The following TEX15 variants were observed in gnomAD, a reference collection of about 807,000 sequenced individuals.
TEX15 encodes testis expressed 15, meiosis and synapsis associated.
A neutral mutation model predicts 237.3 loss-of-function variants in TEX15; 171 were observed. That is an observed-to-expected ratio of 0.72 (90% CI 0.64 to 0.82). The LOEUF (loss-of-function observed/expected upper bound fraction) is 0.82, where lower values mean the gene tolerates loss of function less well. Among genes scored for constraint, TEX15 ranks in the 40% least tolerant of loss-of-function variants. The pLI, the probability that TEX15 is intolerant of heterozygous loss-of-function variation, is 0.00. For synonymous variants in TEX15, 1,338 were observed against 1,269.8 expected (o/e 1.05, Z -1.14); for missense variants, 3,750 against 3,646.5 (o/e 1.03, Z -0.73).
chr8:30,857,876 A>T (rs1299565271), intron 7 of TEX15, among the ~76,000 whole-genome samples: 1 of 150,760 alleles, frequency 6.6e-6, no homozygotes, highest in Non-Finnish European at 1.5e-5. Context: ...ACAAAACTTT[A>T]AAAAAAAGCA....
intron 1 of TEX15, among the ~76,000 whole-genome samples, chr8:30,910,277 C>T (rs1283754950): frequency 6.6e-6 from 1 of 151,982 alleles, no homozygotes; most frequent in South Asian, 2.1e-4. Context: ...TATAATTATA[C>T]TTCACTGATT....
In TEX15 at chr8:30,848,471, G is replaced by A. The variant is rs749721860; in HGVS notation, c.1696C>T (p.Gln566Ter). 35 of 1,614,088 alleles carry A rather than the reference G, an allele frequency of 2.2e-5. No homozygotes were observed. Among genetic ancestry groups the A allele is most frequent in the South Asian group, 1.8e-4 (16 of 91,078 alleles). The change falls in exon 8 of 11, where the codon CAG (glutamine) becomes TAG (stop). Residue 566 changes from glutamine (Q) to a stop codon, truncating the protein, a stop_gained. Transcript: ENST00000643185. LOFTEE classifies it high-confidence loss of function. ...HSEEKAQRAQ[Q>*]ESGNAYTKEY... ...TTTGTATAAGCATTACCGGACTCCT[G>A]TTGGGCTCTCTGAGCCTTCTCCTCA...
At chr8:30,897,220 T>C (rs1429872206) in intron 2 of TEX15, among the ~76,000 whole-genome samples, 1 of 152,214 alleles carries the variant, frequency 6.6e-6, no homozygotes, top group South Asian at 2.1e-4. Context: ...CATTTGTGTT[T>C]TGGTAAGGTT....
At chr8:30,883,817 G>A (rs1808589857) in intron 3 of TEX15, among the ~76,000 whole-genome samples, 1 of 152,158 alleles carries the variant, frequency 6.6e-6, no homozygotes, top group African/African-American at 2.4e-5. Context: ...ACATATGTGT[G>A]CATGTGTCTT....
chr8:30,858,961 T>C, intron 6 of TEX15, 131 bp from the exon 7 acceptor site: 1 of 591,964 alleles, frequency 1.7e-6, no homozygotes, highest in Non-Finnish European at 2.6e-6. Flanking sequence ...GCTGCCTTGT[T>C]TAACCCTAAT....
intron 4 of TEX15, among the ~76,000 whole-genome samples, chr8:30,869,697 A>G (rs1046301775): frequency 2.6e-5 from 4 of 151,948 alleles, no homozygotes; most frequent in African/African-American, 9.7e-5. Context: ...GCTTGGGGAG[A>G]CAGATTTGAG....
In TEX15 at chr8:30,843,082, T is replaced by C. The variant is rs61740968; in HGVS notation, c.7085A>G (p.Asn2362Ser). Residue 2362 changes from asparagine (N) to serine (S), a missense_variant, in exon 8 of 11, where the codon AAT becomes AGT. By Grantham distance (46) the Asn-to-Ser change is conservative (BLOSUM62 1). Transcript: ENST00000643185. Reference sequence around the variant, plus strand: ...ACAAATATCTGGGTGTGCAAGCAAATTACTGTTAAATTTAGAATTTTCTAT... The same window carrying C: ...ACAAATATCTGGGTGTGCAAGCAAACTACTGTTAAATTTAGAATTTTCTAT... ...ISIENSKFNSNLLAHPDICCI... is the reference protein window; with the variant it reads ...ISIENSKFNSSLLAHPDICCI... 155,947 of 1,613,106 alleles carry C rather than the reference T, an allele frequency of 0.097. 8,160 individuals carry two copies. Among genetic ancestry groups the C allele is most frequent in the Middle Eastern group, 0.14 (860 of 6,058 alleles).
chr8:30,836,112 T>C lies in TEX15; in HGVS notation c.9481+691A>G, dbSNP rs554279223. On this transcript the variant is annotated intron_variant, in intron 10 of 10. Transcript: ENST00000643185. ...TTTTATTTCAGTATTTCTATCTATT[T>C]CCACATTTATGTAGGTAAGTTTACA... is the stretch of plus-strand genomic sequence containing the variant. Among the ~76,000 whole-genome samples, 3 of 151,704 alleles carry C rather than the reference T, an allele frequency of 2.0e-5. No individual in the cohort carries two copies. The South Asian group carries it at 6.3e-4, about 32-fold the overall frequency.
chr8:30,907,197 AGTGCAGTG>A (rs1352653160), intron 1 of TEX15, among the ~76,000 whole-genome samples: 1 of 152,148 alleles, frequency 6.6e-6, no homozygotes, highest in African/African-American at 2.4e-5. Context: ...TGGAGGGTGG[AGTGCAGTG>A]GTGCAATCAT....
chr8:30,860,365 G>T (rs1284242828), intron 5 of TEX15, among the ~76,000 whole-genome samples: 1 of 150,936 alleles, frequency 6.6e-6, no homozygotes, highest in Non-Finnish European at 1.5e-5. Flanking sequence ...TCCTGCCTTG[G>T]CCTCCCAAAG....
chr8:30,885,464 T>C (rs1022535465), intron 3 of TEX15, among the ~76,000 whole-genome samples: 3 of 152,156 alleles, frequency 2.0e-5, no homozygotes, highest in Non-Finnish European at 4.4e-5. Context: ...TTGTGAGGCT[T>C]CCCCAGCCAC....
At chr8:30,856,086 T>C (rs1807905445) in intron 7 of TEX15, among the ~76,000 whole-genome samples, 1 of 152,008 alleles carries the variant, frequency 6.6e-6, no homozygotes, top group African/African-American at 2.4e-5. Context: ...GCTGGGATTA[T>C]AGGCGCCTGG....
Position 30,844,592 on chromosome 8 carries a change from T to C in TEX15, c.5575A>G (p.Lys1859Glu), listed in dbSNP as rs771582003. ...QAEKAKDSVY[K>E]RSMTEGSTVN... Reference sequence around the variant, plus strand: ...GTTGATCCTTCAGTCATGCTTCTTTTGTAAACAGAATCTTTTGCTTTTTCC... The same window carrying C: ...GTTGATCCTTCAGTCATGCTTCTTTCGTAAACAGAATCTTTTGCTTTTTCC... The change falls in exon 8 of 11, where the codon AAA (lysine) becomes GAA (glutamate). Residue 1859 changes from lysine to glutamate, a missense_variant. By Grantham distance (56) the Lys-to-Glu change is moderately conservative. Coordinates refer to ENST00000643185, the MANE Select transcript of TEX15 (RefSeq NM_001350162.2). The C allele has an allele frequency of 7.4e-6, 12 of 1,613,174 alleles. No individual in the cohort carries two copies. Among genetic ancestry groups the C allele is most frequent in the Middle Eastern group, 1.6e-4 (1 of 6,070 alleles).
rs1199807526 is a variant in TEX15 at position 30,867,526 on chromosome 8, A to G, written c.303-24T>C. On this transcript the variant is annotated intron_variant, in intron 4 of 10. Coordinates refer to ENST00000643185, the MANE Select transcript of TEX15 (RefSeq NM_001350162.2). ...ACCTAAAGTAAAACAAACAATGTAT[A>G]CAGTTAAAGATAAATATCAACAAAA... 9 of 1,379,730 alleles carry G rather than the reference A, an allele frequency of 6.5e-6. No individual in the cohort carries two copies. The South Asian group carries it at 1.1e-4, about 17-fold the overall frequency. The allele number at this position is 1,379,730 out of a possible 1,614,324, so 85.5% of individuals were successfully genotyped here. A position where few individuals can be genotyped will look rare whatever the true frequency, so the allele number is the denominator to read the frequency against.
At position 30,839,723 on chromosome 8, in the gene TEX15, T is replaced by G. The variant is rs151176036; in HGVS notation, c.8222+183A>C. 5.9e-5 allele frequency among the ~76,000 whole-genome samples: 9 copies of G among 152,340 alleles called. No individual in the cohort carries two copies. The East Asian group carries it at 1.7e-3, about 29-fold the overall frequency. ...CTTACAGAATGAAGTTCAAACTCCTTAGGCTGAATTTAAGAAACTGTATAA... is the reference window on the plus strand; with the variant it reads ...CTTACAGAATGAAGTTCAAACTCCTGAGGCTGAATTTAAGAAACTGTATAA... On this transcript the variant is annotated intron_variant, in intron 9 of 10. Transcript: ENST00000643185.
intron 3 of TEX15, among the ~76,000 whole-genome samples, chr8:30,876,250 T>C (rs16877459): frequency 0.077 from 11,665 of 152,252 alleles, 580 homozygotes; most frequent in African/African-American, 0.11. Context: ...TAGCTGGTTA[T>C]TTAAAAAAAT....
In TEX15 at chr8:30,837,010, G is replaced by C; in HGVS notation, c.9274C>G (p.Leu3092Val). ...STAQGTHSNL[L>V]YSQYFTYFAG... ...AAATAAGTAAAATATTGAGAGTACA[G>C]AAGATTAGAATGTGTGCCCTGGGCA... is the stretch of plus-strand genomic sequence containing the variant. Residue 3092 changes from leucine to valine, a missense_variant, in exon 10 of 11, where the codon CTG becomes GTG. Coordinates refer to ENST00000643185, the MANE Select transcript of TEX15 (RefSeq NM_001350162.2). 6.2e-7 allele frequency: 1 copy of C among 1,614,128 alleles called. No individual in the cohort carries two copies. The highest frequency in any genetic ancestry group is 8.5e-7 in the Non-Finnish European group (1 of 1,180,034).
intron 5 of TEX15, among the ~76,000 whole-genome samples, chr8:30,863,897 C>T (rs1301987469): frequency 6.6e-6 from 1 of 151,714 alleles, no homozygotes; most frequent in Non-Finnish European, 1.5e-5. Flanking sequence ...ATGAAATGTC[C>T]AGTTTTCAAC....
At chr8:30,897,788 G>A (rs1410975154) in intron 2 of TEX15, among the ~76,000 whole-genome samples, 1 of 152,092 alleles carries the variant, frequency 6.6e-6, no homozygotes, top group East Asian at 1.9e-4. Flanking sequence ...AGCCTCCTAA[G>A]TAGCTAGGAT....
Sources: allele counts gnomAD v4.1 joint callset (sites outside exome capture counted in the v4.1 genomes callset), GRCh38; gene constraint gnomAD v4.1.1; transcripts MANE v1.5; gene names NCBI Gene and HGNC (gene_info 2026-07-23, HGNC 2026-07-21).